The following RPS6KA5 variants were observed in gnomAD, a reference collection of about 807,000 sequenced individuals.
The protein encoded by RPS6KA5 is ribosomal protein S6 kinase A5, also known as ribosomal protein S6 kinase alpha-5.
RPS6KA5 carries 27 observed loss-of-function variants against 85.5 expected under a neutral mutation model. That is an observed-to-expected ratio of 0.32 (90% CI 0.23 to 0.44). The LOEUF is 0.44. Ranked by LOEUF, RPS6KA5 falls within the 20% of genes least tolerant of loss-of-function variation. The pLI, the probability that RPS6KA5 is intolerant of heterozygous loss-of-function variation, is 1.00. For synonymous variants in RPS6KA5, 334 were observed against 348.2 expected (o/e 0.96, Z 0.46); for missense variants, 811 against 980.9 (o/e 0.83, Z 2.31).
intron 8 of RPS6KA5, among the ~76,000 whole-genome samples, chr14:90,904,114 T>TA (rs2140240062): frequency 6.6e-6 from 1 of 152,294 alleles, no homozygotes; most frequent in Admixed American, 6.5e-5. Flanking sequence ...CATGCCCGGC[T>TA]AATTTTTTGT....
At chr14:90,985,366 G>A (rs1156295924) in intron 2 of RPS6KA5, among the ~76,000 whole-genome samples, 5 of 152,174 alleles carry the variant, frequency 3.3e-5, no homozygotes, top group African/African-American at 7.2e-5. Context: ...GTGTGTACAC[G>A]TTTACATGCA....
chr14:91,018,256 T>C (rs1242486768), intron 1 of RPS6KA5, among the ~76,000 whole-genome samples: 3 of 152,258 alleles, frequency 2.0e-5, no homozygotes, highest in Admixed American at 1.3e-4. Context: ...CCTTATTTTG[T>C]TTAAAAAATA....
In RPS6KA5 at chr14:90,852,312, T is replaced by G. The variant is rs2032041080; in HGVS notation, c.*19762A>C. The G allele has an allele frequency of 6.6e-6, 1 of 152,044 alleles. No homozygotes were observed. The highest frequency in any genetic ancestry group is 1.5e-5 in the Non-Finnish European group (1 of 68,008). 9.4% of individuals were successfully genotyped at this position (152,044 alleles called of 1,614,324 possible). A position where few individuals can be genotyped will look rare whatever the true frequency, so the allele number is the denominator to read the frequency against. On this transcript the variant is annotated 3_prime_UTR_variant, in exon 17 of 17. Transcript: ENST00000614987. ...GGTTTCACCATGTTAGCCAGGATGG[T>G]CTCGACCTCGTGATCTGCCCGCCTC...
At chr14:91,016,884 A>C (rs920480761) in intron 1 of RPS6KA5, among the ~76,000 whole-genome samples, 2 of 141,106 alleles carry the variant, frequency 1.4e-5, no homozygotes, top group African/African-American at 5.2e-5. Context: ...AAAAAAAAAA[A>C]CTGAAGGTAT....
chr14:90,929,786 G>C (rs2036873522), intron 5 of RPS6KA5, among the ~76,000 whole-genome samples: 1 of 152,160 alleles, frequency 6.6e-6, no homozygotes, highest in Non-Finnish European at 1.5e-5. Context: ...AAGGTCGGGG[G>C]AAAGGAGAGG....
Position 90,947,432 on chromosome 14 carries a change from T to C in RPS6KA5, c.510+3A>G. The C allele has an allele frequency of 6.4e-7, 1 of 1,550,632 alleles. No homozygotes were observed. The highest frequency in any genetic ancestry group is 8.9e-7 in the Non-Finnish European group (1 of 1,122,722). ...AAGAAACCTGAAAAATGAAGAGTCT[T>C]ACCTTGTGGAGATGTTCGAGGGCAA... is the stretch of plus-strand genomic sequence containing the variant. On this transcript the variant is annotated splice_donor_region_variant and intron_variant, in intron 4 of 16. Coordinates refer to ENST00000614987, the MANE Select transcript of RPS6KA5 (RefSeq NM_004755.4).
At position 90,862,054 on chromosome 14, in the gene RPS6KA5, AGGAGGAAACAAT is replaced by A. The variant is rs1424050533; in HGVS notation, c.*10008_*10019del. 6.6e-6 allele frequency: 1 copy of A among 152,214 alleles called. No homozygotes were observed. Among genetic ancestry groups the A allele is most frequent in the Non-Finnish European group, 1.5e-5 (1 of 68,038 alleles). The allele number at this position is 152,214 out of a possible 1,614,324, so 9.4% of individuals were successfully genotyped here. ...CTAAAAATTACTAACGAACTAACAT[AGGAGGAAACAAT>A]GGACAAAAGAAAATATTTGGTTTAT... On this transcript the variant is annotated 3_prime_UTR_variant, in exon 17 of 17. Transcript: ENST00000614987.
intron 14 of RPS6KA5, among the ~76,000 whole-genome samples, chr14:90,881,587 G>C (rs1487180633): frequency 6.6e-6 from 1 of 151,960 alleles, no homozygotes; most frequent in Non-Finnish European, 1.5e-5. Context: ...TGCAACCTCT[G>C]CCTCCTGGGT....
chr14:90,893,230 G>A (rs1056973444), intron 13 of RPS6KA5, among the ~76,000 whole-genome samples: 19 of 152,214 alleles, frequency 1.2e-4, no homozygotes, highest in African/African-American at 4.1e-4. Flanking sequence ...AATCTCCAAT[G>A]TACAGAGCAC....
intron 1 of RPS6KA5, among the ~76,000 whole-genome samples, chr14:91,014,385 C>T (rs2041391343): frequency 6.6e-6 from 1 of 151,326 alleles, no homozygotes; most frequent in East Asian, 1.9e-4. Flanking sequence ...ACCTGTAGTC[C>T]CAGCTACTCG....
chr14:90,868,432 T>G lies in RPS6KA5; in HGVS notation c.*3642A>C, dbSNP rs891909465. 1 of 152,224 alleles carries G rather than the reference T, an allele frequency of 6.6e-6. No homozygotes were observed. The highest frequency in any genetic ancestry group is 1.5e-5 in the Non-Finnish European group (1 of 68,034). 9.4% of individuals were successfully genotyped at this position (152,224 alleles called of 1,614,324 possible). ...TGAGAGGCCAAAAGTCATATAATTTTAAGATACTTCATGATGTTACAGTAA... is the reference window on the plus strand; with the variant it reads ...TGAGAGGCCAAAAGTCATATAATTTGAAGATACTTCATGATGTTACAGTAA... On this transcript the variant is annotated 3_prime_UTR_variant, in exon 17 of 17. Transcript: ENST00000614987.
intron 3 of RPS6KA5, among the ~76,000 whole-genome samples, chr14:90,953,241 A>C (rs2038307207): frequency 6.6e-6 from 1 of 152,190 alleles, no homozygotes; most frequent in African/African-American, 2.4e-5. Flanking sequence ...ACCTGTTTTT[A>C]CTTCAATCTC....
At chr14:90,985,092 C>T (rs2040003555) in intron 2 of RPS6KA5, among the ~76,000 whole-genome samples, 2 of 152,100 alleles carry the variant, frequency 1.3e-5, no homozygotes, top group African/African-American at 2.4e-5. Context: ...AACGCATGCG[C>T]CACCACGCCC....
intron 7 of RPS6KA5, among the ~76,000 whole-genome samples, chr14:90,914,526 G>T (rs1156405705): frequency 6.6e-6 from 1 of 151,890 alleles, no homozygotes; most frequent in Non-Finnish European, 1.5e-5. Flanking sequence ...TGTTGGCCAG[G>T]CTGGTCTCAA....
chr14:90,938,313 A>G (rs1477039028), intron 5 of RPS6KA5, among the ~76,000 whole-genome samples: 1 of 152,220 alleles, frequency 6.6e-6, no homozygotes, highest in African/African-American at 2.4e-5. Context: ...TGCAGGGTAC[A>G]GTCCCCCTCC....
chr14:90,981,587 A>G (rs1459286777), intron 2 of RPS6KA5, among the ~76,000 whole-genome samples: 1 of 152,230 alleles, frequency 6.6e-6, no homozygotes, highest in Non-Finnish European at 1.5e-5. Flanking sequence ...GCCATGTGAT[A>G]ACATCAAGAA....
Position 91,045,753 on chromosome 14 carries a change from A to C in RPS6KA5, c.103+14579T>G, listed in dbSNP as rs2042846412. On this transcript the variant is annotated intron_variant, in intron 1 of 16. Coordinates refer to ENST00000614987, the MANE Select transcript of RPS6KA5 (RefSeq NM_004755.4). ...AGTCATCTTGTTACAAAGCAAAACTAATCTCATCATTCTTCAACTGGAAAT... is the reference window on the plus strand; with the variant it reads ...AGTCATCTTGTTACAAAGCAAAACTCATCTCATCATTCTTCAACTGGAAAT... Among the ~76,000 whole-genome samples, 7 of 152,152 alleles carry C rather than the reference A, an allele frequency of 4.6e-5. No individual in the cohort carries two copies. The South Asian group carries it at 1.4e-3, about 31-fold the overall frequency.
chr14:90,935,531 GT>G (rs2037209756), intron 5 of RPS6KA5, among the ~76,000 whole-genome samples: 1 of 152,168 alleles, frequency 6.6e-6, no homozygotes, highest in Admixed American at 6.5e-5. Flanking sequence ...TAATGACGAA[GT>G]GACTTGCCTC....
intron 3 of RPS6KA5, among the ~76,000 whole-genome samples, chr14:90,947,866 G>A (rs2037954514): frequency 6.6e-6 from 1 of 152,050 alleles, no homozygotes; most frequent in African/African-American, 2.4e-5. Flanking sequence ...ACCATATAAT[G>A]CATACTTAAC....
Sources: gnomAD v4.1 joint callset for allele counts (sites outside exome capture counted in the v4.1 genomes callset) on GRCh38, gnomAD v4.1.1 for gene constraint, MANE v1.5 for transcripts, NCBI Gene and HGNC (gene_info 2026-07-23, HGNC 2026-07-21) for gene names.